Variants in ALDH3A2 observed in about 807,000 individuals in gnomAD.
ALDH3A2 encodes aldehyde dehydrogenase 3 family member A2, also known as aldehyde dehydrogenase family 3 member A2.
ALDH3A2 carries 36 observed loss-of-function variants against 51.3 expected under a neutral mutation model. The observed-to-expected ratio is 0.70, with a 90% CI of 0.54 to 0.93. The LOEUF (loss-of-function observed/expected upper bound fraction) is 0.93, where lower values mean the gene tolerates loss of function less well. Ranked by LOEUF, ALDH3A2 falls within the 40% of genes least tolerant of loss-of-function variation. The pLI, the probability that ALDH3A2 is intolerant of heterozygous loss-of-function variation, is 0.00. For missense variants in ALDH3A2, 552 were observed against 603.1 expected (o/e 0.92, Z 0.89); for synonymous variants, 199 against 219.8 (o/e 0.91, Z 0.84).
chr17:19,663,487 G>T lies in ALDH3A2; in HGVS notation c.1095G>T (p.Ser365=). The T allele has an allele frequency of 1.2e-6, 2 of 1,613,846 alleles. No individual in the cohort carries two copies. Among genetic ancestry groups the T allele is most frequent in the Non-Finnish European group, 8.5e-7 (1 of 1,179,938 alleles). ...AGCCTCTGGCTCTTTATGTATTTTC[G>T]CATAACCATAAGGTAAGCTTTAGAG... is the stretch of plus-strand genomic sequence containing the variant. The part of the protein sequence containing the change: ...REKPLALYVF[S]HNHKLIKRMI... Residue 365 remains serine (S), a synonymous_variant, in exon 7 of 10, where the codon TCG becomes TCT. Coordinates refer to ENST00000176643, the MANE Select transcript of ALDH3A2 (RefSeq NM_000382.3).
chr17:19,657,649 A>G, intron 4 of ALDH3A2, 96 bp from the exon 5 acceptor site: 3 of 945,784 alleles, frequency 3.2e-6, no homozygotes, highest in South Asian at 1.3e-5. Context: ...ATATGAATCT[A>G]TTTTAGTTGC....
intron 1 of ALDH3A2, among the ~76,000 whole-genome samples, chr17:19,651,112 TGA>T (rs1223567232): frequency 1.3e-5 from 2 of 152,186 alleles, no homozygotes; most frequent in African/African-American, 4.8e-5. Flanking sequence ...CATACACAGA[TGA>T]AATGTGAGTG....
At chr17:19,669,834 C>T (rs1212609156) in intron 8 of ALDH3A2, among the ~76,000 whole-genome samples, 2 of 152,236 alleles carry the variant, frequency 1.3e-5, no homozygotes, top group African/African-American at 4.8e-5. Flanking sequence ...GAGGCGGGGT[C>T]TCACTGTGTT....
intron 5 of ALDH3A2, among the ~76,000 whole-genome samples, chr17:19,660,904 A>G (rs1439393351): frequency 6.6e-6 from 1 of 152,176 alleles, no homozygotes. Flanking sequence ...ATGGACAATG[A>G]CAGATCTCTG....
intron 8 of ALDH3A2, among the ~76,000 whole-genome samples, chr17:19,667,166 G>T (rs999435453): frequency 6.6e-6 from 1 of 152,070 alleles, no homozygotes; most frequent in Non-Finnish European, 1.5e-5. Flanking sequence ...ATTCAAAAAG[G>T]TATCATACTA....
intron 7 of ALDH3A2, among the ~76,000 whole-genome samples, chr17:19,663,937 G>GT (rs1434467885): frequency 5.3e-5 from 8 of 152,234 alleles, no homozygotes; most frequent in African/African-American, 1.9e-4. Flanking sequence ...ATGGATTTTA[G>GT]TTTCTAACAT....
intron 8 of ALDH3A2, among the ~76,000 whole-genome samples, chr17:19,670,294 G>A (rs2085094942): frequency 6.6e-6 from 1 of 152,042 alleles, no homozygotes; most frequent in African/African-American, 2.4e-5. Context: ...GTCTTAATGG[G>A]AATATGTTAT....
intron 8 of ALDH3A2, among the ~76,000 whole-genome samples, chr17:19,670,809 C>T (rs2085102997): frequency 1.3e-5 from 2 of 152,232 alleles, no homozygotes; most frequent in South Asian, 4.1e-4. Context: ...GATCCACCCG[C>T]CTTGGCCTCC....
Position 19,673,355 on chromosome 17 carries a change from TG to T in ALDH3A2, c.1443+1400del, listed in dbSNP as rs34160909. ...TTTCAAGGGTTTTTTGGTTTGTTTT[TG>T]TTTTTGTTTTTGTTTTTGTTTTTAT... On this transcript the variant is annotated intron_variant, in intron 9 of 9. Transcript: ENST00000176643. 0.52 allele frequency: 729,917 copies of T among 1,398,862 alleles called. 173,560 individuals carry two copies. Among genetic ancestry groups the T allele is most frequent in the East Asian group, 0.89 (31,804 of 35,738 alleles). The allele number at this position is 1,398,862 out of a possible 1,614,324, so 86.7% of individuals were successfully genotyped here. A position where few individuals can be genotyped will look rare whatever the true frequency, so the allele number is the denominator to read the frequency against.
intron 1 of ALDH3A2, among the ~76,000 whole-genome samples, chr17:19,650,198 C>T (rs1028550151): frequency 6.6e-6 from 1 of 152,104 alleles, no homozygotes; most frequent in Non-Finnish European, 1.5e-5. Context: ...AGGTGTGAGC[C>T]ACCCCCCCGG....
chr17:19,668,605 GCTTTCCCTAT>G (rs1424238909), intron 8 of ALDH3A2, among the ~76,000 whole-genome samples: 37,660 of 144,008 alleles, frequency 0.26, 5,836 homozygotes, highest in East Asian at 0.47. Flanking sequence ...GCTTAGAAAA[GCTTTCCCTAT>G]TTCATTATTA....
chr17:19,651,921 A>T (rs2084821808), intron 2 of ALDH3A2, 143 bp downstream of exon 2: 1 of 752,326 alleles, frequency 1.3e-6, no homozygotes, highest in East Asian at 2.7e-5. Flanking sequence ...GAGAATTCAT[A>T]CATACCATAC....
At chr17:19,648,646 C>T (rs1597545397), upstream of ALDH3A2, 2 of 420,368 alleles carry the variant, frequency 4.8e-6, no homozygotes, top group East Asian at 5.0e-5. Flanking sequence ...TCCCAGCCCG[C>T]TGCCAGAGCC....
chr17:19,671,397 T>TTC (rs2085110617), intron 8 of ALDH3A2, among the ~76,000 whole-genome samples: 1 of 152,248 alleles, frequency 6.6e-6, no homozygotes, highest in Non-Finnish European at 1.5e-5. Flanking sequence ...CTGCTGATAA[T>TTC]TCACCAAGTG....
In ALDH3A2 at chr17:19,675,308, T is replaced by TG. The variant is rs1380690254; in HGVS notation, c.1444-250_1444-249insG. 7 of 542,320 alleles carry TG rather than the reference T, an allele frequency of 1.3e-5. No individual in the cohort carries two copies. The African/African-American group carries it at 1.3e-4, about 10-fold the overall frequency. The allele number at this position is 542,320 out of a possible 1,614,324, so 33.6% of individuals were successfully genotyped here. A position where few individuals can be genotyped will look rare whatever the true frequency, so the allele number is the denominator to read the frequency against. On this transcript the variant is annotated intron_variant, in intron 9 of 9. Coordinates refer to ENST00000176643, the MANE Select transcript of ALDH3A2 (RefSeq NM_000382.3). ...ATTAGCTAGTTGACAGTGGACAGAA[T>TG]ATAGCCTTCATTATCACGTTGTCTT... is the stretch of plus-strand genomic sequence containing the variant.
chr17:19,650,313 CCT>C (rs2084798076), intron 1 of ALDH3A2, among the ~76,000 whole-genome samples: 1 of 151,534 alleles, frequency 6.6e-6, no homozygotes, highest in Non-Finnish European at 1.5e-5. Flanking sequence ...ACAGGGTCTC[CCT>C]TTGTTACCCA....
intron 3 of ALDH3A2, among the ~76,000 whole-genome samples, chr17:19,653,245 G>A (rs188616727): frequency 3.3e-5 from 5 of 151,896 alleles, no homozygotes; most frequent in African/African-American, 4.8e-5. Flanking sequence ...GGGTTTCACC[G>A]TGTTGGTCAG....
rs2084858279 is a variant in ALDH3A2 at position 19,654,032 on chromosome 17, G to C, written c.471+1400G>C. Among the ~76,000 whole-genome samples, 1 of 151,970 alleles carries C rather than the reference G, an allele frequency of 6.6e-6. No homozygotes were observed. Among genetic ancestry groups the C allele is most frequent in the South Asian group, 2.1e-4 (1 of 4,812 alleles). On this transcript the variant is annotated intron_variant, in intron 3 of 9. Coordinates refer to ENST00000176643, the MANE Select transcript of ALDH3A2 (RefSeq NM_000382.3). This position sits in a 1 kb window ranked among gnomAD's most constrained non-coding sequence, Gnocchi z 4.5. Reference sequence around the variant, plus strand: ...ACTGATTGGTGCATTTACAAACCTTGAGCTAGACATAGAGTGCTGACTGGT... The same window carrying C: ...ACTGATTGGTGCATTTACAAACCTTCAGCTAGACATAGAGTGCTGACTGGT...
At chr17:19,651,925 A>T in intron 2 of ALDH3A2, 147 bp downstream of exon 2, 1 of 752,956 alleles carries the variant, frequency 1.3e-6, no homozygotes, top group Non-Finnish European at 2.2e-6. Context: ...ATTCATACAT[A>T]CCATACATAT....
Sources: allele counts gnomAD v4.1 joint callset (sites outside exome capture counted in the v4.1 genomes callset), GRCh38; gene constraint gnomAD v4.1.1; non-coding constraint Gnocchi (gnomAD v3.1); transcripts MANE v1.5; gene names NCBI Gene and HGNC (gene_info 2026-07-23, HGNC 2026-07-21).